Variants in NEO1 observed in about 807,000 individuals in gnomAD.
NEO1 encodes neogenin 1, also known as neogenin.
Under a neutral mutation model 159.7 loss-of-function variants are expected in NEO1, and 63 were observed. The observed-to-expected ratio is 0.39, with a 90% CI of 0.32 to 0.49. NEO1 has a LOEUF of 0.49. NEO1 is among the 20% of genes least tolerant of loss of function. The pLI is 0.85. For missense variants in NEO1, 1,615 were observed against 1,831.0 expected, an observed-to-expected ratio of 0.88 and a Z score of 2.15; for synonymous variants, 633 against 662.0, an observed-to-expected ratio of 0.96 and a Z score of 0.67.
chr15:73,065,211 TACTC>T lies in NEO1; in HGVS notation c.130+12410_130+12413del, dbSNP rs532566798. Among the ~76,000 whole-genome samples the T allele has an allele frequency of 5.6e-3, 850 of 152,320 alleles. 5 individuals carry two copies. The highest frequency in any genetic ancestry group is 0.017 in the South Asian group (81 of 4,824). On this transcript the variant is annotated intron_variant, in intron 1 of 28. Coordinates refer to ENST00000261908, the MANE Select transcript of NEO1 (RefSeq NM_002499.4). ...TTAAGATCCATCAGATGTTATTTCA[TACTC>T]ACTATTCATTTAGTTTTAGTTATTT...
chr15:73,290,645 T>C (rs2042131832), intron 25 of NEO1, among the ~76,000 whole-genome samples: 1 of 152,180 alleles, frequency 6.6e-6, no homozygotes, highest in Non-Finnish European at 1.5e-5. Flanking sequence ...ATAAATATCA[T>C]GATTAAACCA....
chr15:73,059,744 C>T (rs2067887804), intron 1 of NEO1, among the ~76,000 whole-genome samples: 2 of 152,092 alleles, frequency 1.3e-5, no homozygotes, highest in African/African-American at 4.8e-5. Flanking sequence ...TTAGAGTAGT[C>T]CTAACTTAGT....
chr15:73,243,120 A>G (rs1485208767), intron 8 of NEO1, among the ~76,000 whole-genome samples: 3 of 152,204 alleles, frequency 2.0e-5, no homozygotes, highest in African/African-American at 7.2e-5. Context: ...TTTTGTTACT[A>G]CAGTATTCTT....
chr15:73,197,065 A>G (rs1411027156), intron 7 of NEO1, among the ~76,000 whole-genome samples: 5 of 152,168 alleles, frequency 3.3e-5, no homozygotes, highest in East Asian at 1.9e-4. Context: ...CTAAGAAAAT[A>G]TGTTTCTAAG....
At position 73,290,598 on chromosome 15, in the gene NEO1, G is replaced by T. The variant is rs1295019243; in HGVS notation, c.3742+1360G>T. Reference sequence around the variant, plus strand: ...GTGCCTCACTTTGATAAGCATAAAGGTTTCTGAGCCTCTTTTAATAATAGT... The same window carrying T: ...GTGCCTCACTTTGATAAGCATAAAGTTTTCTGAGCCTCTTTTAATAATAGT... On this transcript the variant is annotated intron_variant, in intron 25 of 28. Coordinates refer to ENST00000261908, the MANE Select transcript of NEO1 (RefSeq NM_002499.4). Among the ~76,000 whole-genome samples, 6 of 152,186 alleles carry T rather than the reference G, an allele frequency of 3.9e-5. No individual in the cohort carries two copies. The East Asian group carries it at 1.2e-3, about 29-fold the overall frequency.
At chr15:73,066,869 C>T (rs2068248630) in intron 1 of NEO1, among the ~76,000 whole-genome samples, 1 of 152,186 alleles carries the variant, frequency 6.6e-6, no homozygotes, top group Non-Finnish European at 1.5e-5. Context: ...CAAAAGGAGC[C>T]CCACATACCA....
At chr15:73,062,100 T>G (rs2068007889) in intron 1 of NEO1, among the ~76,000 whole-genome samples, 1 of 152,196 alleles carries the variant, frequency 6.6e-6, no homozygotes, top group South Asian at 2.1e-4. Context: ...TTCCAAATTG[T>G]TTACTAAACA....
intron 7 of NEO1, among the ~76,000 whole-genome samples, chr15:73,199,870 G>T (rs1369150936): frequency 6.6e-6 from 1 of 152,070 alleles, no homozygotes; most frequent in Non-Finnish European, 1.5e-5. Context: ...GTCTTCCGTG[G>T]CAAAAGGGGG....
chr15:73,194,543 A>C (rs2036425091), intron 7 of NEO1, among the ~76,000 whole-genome samples: 1 of 152,160 alleles, frequency 6.6e-6, no homozygotes. Flanking sequence ...CTTTTAAACA[A>C]CCAGTTCTCA....
In NEO1 at chr15:73,107,908, G is replaced by A. The variant is rs10467947; in HGVS notation, c.131-8632G>A. 8.6e-3 allele frequency among the ~76,000 whole-genome samples: 1,308 copies of A among 152,308 alleles called. 23 individuals carry two copies. Among genetic ancestry groups the A allele is most frequent in the African/African-American group, 0.03 (1,233 of 41,578 alleles). ...CTTATAAGATATTTCTAGGCTGAGT[G>A]CAGTGGCTCATGCCTGCATTCCCAG... is the stretch of plus-strand genomic sequence containing the variant. On this transcript the variant is annotated intron_variant, in intron 1 of 28. Coordinates refer to ENST00000261908, the MANE Select transcript of NEO1 (RefSeq NM_002499.4).
At chr15:73,187,523 G>A (rs2036000014) in intron 7 of NEO1, among the ~76,000 whole-genome samples, 1 of 152,236 alleles carries the variant, frequency 6.6e-6, no homozygotes, top group South Asian at 2.1e-4. Flanking sequence ...ACAGTGGTTG[G>A]CAAACTTTCT....
At chr15:73,112,138 C>T (rs1285731101) in intron 1 of NEO1, among the ~76,000 whole-genome samples, 1 of 151,884 alleles carries the variant, frequency 6.6e-6, no homozygotes, top group African/African-American at 2.4e-5. Flanking sequence ...ATATAATTTA[C>T]ACTCATCTTC....
chr15:73,093,335 C>T (rs1420936827), intron 1 of NEO1, among the ~76,000 whole-genome samples: 1 of 152,144 alleles, frequency 6.6e-6, no homozygotes, highest in Non-Finnish European at 1.5e-5. Context: ...AAGAAAGTCA[C>T]CATGGGCAGC....
At chr15:73,193,464 A>G (rs1353371550) in intron 7 of NEO1, among the ~76,000 whole-genome samples, 1 of 151,744 alleles carries the variant, frequency 6.6e-6, no homozygotes, top group East Asian at 1.9e-4. Flanking sequence ...TAATGTTTTC[A>G]AGACAAAAAT....
At chr15:73,228,502 A>T (rs2038723184) in intron 7 of NEO1, among the ~76,000 whole-genome samples, 1 of 145,286 alleles carries the variant, frequency 6.9e-6, no homozygotes. Flanking sequence ...ATTTGGAAAT[A>T]TTGTCTGCCA....
At chr15:73,167,978 A>T (rs189749222) in intron 5 of NEO1, among the ~76,000 whole-genome samples, 252 of 152,288 alleles carry the variant, frequency 1.7e-3, no homozygotes, top group Admixed American at 5.4e-3. Flanking sequence ...AAAGTCAGAC[A>T]CTCAAGAGTG....
Position 73,254,684 on chromosome 15 carries a change from T to C in NEO1, c.1947T>C (p.Ser649=), listed in dbSNP as rs1170487381. 6.2e-7 allele frequency: 1 copy of C among 1,612,074 alleles called. No individual in the cohort carries two copies. The highest frequency in any genetic ancestry group is 8.5e-7 in the Non-Finnish European group (1 of 1,179,284). Residue 649 remains serine (S), a splice_region_variant and synonymous_variant, in exon 13 of 29, where the codon AGT becomes AGC. Transcript: ENST00000261908. ...TTCTATAATTCTGTCTTGTGCAGAG[T>C]ATTATGATTCACTGGCAGCCACCTG... ...NLSLEVRNSK[S]IMIHWQPPAP...
At chr15:73,270,559 T>G in intron 18 of NEO1, 105 bp downstream of exon 18, 1 of 1,252,046 alleles carries the variant, frequency 8.0e-7, no homozygotes, top group South Asian at 1.5e-5. Context: ...CAACTACATT[T>G]GGAATTCAGT....
chr15:73,133,502 CTT>C (rs2151731656), intron 4 of NEO1, among the ~76,000 whole-genome samples: 1 of 152,236 alleles, frequency 6.6e-6, no homozygotes, highest in Non-Finnish European at 1.5e-5. Flanking sequence ...CACTAAATAA[CTT>C]TTTCATGTAA....
Sources: allele counts gnomAD v4.1 joint callset (sites outside exome capture counted in the v4.1 genomes callset), GRCh38; gene constraint gnomAD v4.1.1; transcripts MANE v1.5; gene names NCBI Gene and HGNC (gene_info 2026-07-23, HGNC 2026-07-21).